Variants in IGFBP7 observed in about 807,000 individuals in gnomAD.
The protein encoded by IGFBP7 is insulin-like growth factor-binding protein 7.
In IGFBP7, 31 loss-of-function variants were observed where a neutral mutation model predicts 29.4. The ratio of observed to expected loss-of-function variants is 1.05; its 90% CI spans 0.79 to 1.42. The LOEUF is 1.42. Among genes scored for constraint, IGFBP7 ranks in the 40% most tolerant of loss-of-function variants. The pLI, the probability that IGFBP7 is intolerant of heterozygous loss-of-function variation, is 0.00. For missense variants in IGFBP7, 393 were observed against 395.5 expected, an observed-to-expected ratio of 0.99 and a Z score of 0.05; for synonymous variants, 172 against 174.9, an observed-to-expected ratio of 0.98 and a Z score of 0.13.
intron 1 of IGFBP7, among the ~76,000 whole-genome samples, chr4:57,082,463 C>G (rs1725391633): frequency 6.6e-6 from 1 of 151,926 alleles, no homozygotes; most frequent in African/African-American, 2.4e-5. Context: ...GAAATATCAC[C>G]CCAGAATCAT....
At chr4:57,050,535 GCA>G in intron 1 of IGFBP7, among the ~76,000 whole-genome samples, 1 of 151,718 alleles carries the variant, frequency 6.6e-6, no homozygotes, top group Admixed American at 6.6e-5. Context: ...ATAAGCCACT[GCA>G]CCTGGCTTTT....
intron 2 of IGFBP7, among the ~76,000 whole-genome samples, chr4:57,039,930 A>G (rs972668653): frequency 2.7e-4 from 15 of 55,162 alleles, no homozygotes; most frequent in African/African-American, 6.6e-4. Context: ...CCAGCCTCAC[A>G]CTTTTTTTTT....
chr4:57,043,903 C>T (rs1724291385), intron 1 of IGFBP7, among the ~76,000 whole-genome samples: 1 of 152,202 alleles, frequency 6.6e-6, no homozygotes, highest in Non-Finnish European at 1.5e-5. Flanking sequence ...GGTTTGGACA[C>T]CACAGAGCCG....
chr4:57,075,616 A>G (rs1725203163), intron 1 of IGFBP7, among the ~76,000 whole-genome samples: 1 of 149,494 alleles, frequency 6.7e-6, no homozygotes, highest in Non-Finnish European at 1.5e-5. Context: ...AAAACCATAA[A>G]AAGCACACTA....
rs1195987734 is a variant in IGFBP7, at chr4:57,072,991, C to G, written c.476-32058G>C. On this transcript the variant is annotated intron_variant, in intron 1 of 4. Transcript: ENST00000295666. Reference sequence around the variant, plus strand: ...TGTATGATGTCAGGACCATCCTGCTCTCCATCCACAGCCTTCGAGGCAAAC... The same window carrying G: ...TGTATGATGTCAGGACCATCCTGCTGTCCATCCACAGCCTTCGAGGCAAAC... 6 of 905,544 alleles carry G rather than the reference C, an allele frequency of 6.6e-6. No individual in the cohort carries two copies. In the African/African-American group the frequency reaches 8.3e-5, roughly 13 times the overall value. The allele number at this position is 905,544 out of a possible 1,614,324, so 56.1% of individuals were successfully genotyped here.
At chr4:57,070,341 T>C (rs1725026062) in intron 1 of IGFBP7, among the ~76,000 whole-genome samples, 1 of 152,194 alleles carries the variant, frequency 6.6e-6, no homozygotes, top group African/African-American at 2.4e-5. Context: ...TGAGGGAGCT[T>C]TTTCTACTTC....
At chr4:57,082,500 A>C (rs1367691762) in intron 1 of IGFBP7, among the ~76,000 whole-genome samples, 1 of 152,184 alleles carries the variant, frequency 6.6e-6, no homozygotes, top group East Asian at 1.9e-4. Context: ...TATAGTTTTA[A>C]ATTTGAATCA....
In IGFBP7 at chr4:57,095,912, T is replaced by C. The variant is rs1256134825; in HGVS notation, c.475+13965A>G. Among the ~76,000 whole-genome samples, 5 of 152,072 alleles carry C rather than the reference T, an allele frequency of 3.3e-5. No individual in the cohort carries two copies. The East Asian group carries it at 9.7e-4, about 29-fold the overall frequency. On this transcript the variant is annotated intron_variant, in intron 1 of 4. Transcript: ENST00000295666. ...AGGTTCCCCTTTCCAACAGGGCACA[T>C]AATAAATCCACTCTTAATTATGCAT...
At chr4:57,081,694 G>A (rs1453305889) in intron 1 of IGFBP7, among the ~76,000 whole-genome samples, 2 of 152,072 alleles carry the variant, frequency 1.3e-5, no homozygotes, top group East Asian at 1.9e-4. Context: ...CAGGGCTTCC[G>A]TTTTGAATAT....
intron 1 of IGFBP7, 58 bp downstream of exon 1, chr4:57,109,819 A>G: frequency 6.7e-7 from 1 of 1,496,938 alleles, no homozygotes. Flanking sequence ...GCCCCGTCGG[A>G]TGTGCCCTTC....
intron 2 of IGFBP7, among the ~76,000 whole-genome samples, chr4:57,038,686 C>T (rs11573119): frequency 0.058 from 8,853 of 152,172 alleles, 343 homozygotes; most frequent in East Asian, 0.16. Context: ...AAACTAAGTT[C>T]CTTTTTTGGT....
At chr4:57,090,542 A>C (rs1338630885) in intron 1 of IGFBP7, among the ~76,000 whole-genome samples, 1 of 152,182 alleles carries the variant, frequency 6.6e-6, no homozygotes, top group Non-Finnish European at 1.5e-5. Flanking sequence ...TATTTTTAGA[A>C]AACATGTGAG....
At chr4:57,062,401 T>C (rs1344546978) in intron 1 of IGFBP7, among the ~76,000 whole-genome samples, 1 of 152,246 alleles carries the variant, frequency 6.6e-6, no homozygotes, top group Non-Finnish European at 1.5e-5. Context: ...CACATATTGC[T>C]GGAATCATAA....
At chr4:57,047,497 C>A (rs1488626012) in intron 1 of IGFBP7, among the ~76,000 whole-genome samples, 1 of 152,002 alleles carries the variant, frequency 6.6e-6, no homozygotes, top group Non-Finnish European at 1.5e-5. Flanking sequence ...ATAGCCAGAT[C>A]CTGAAGGAAG....
chr4:57,039,838 C>T (rs1257307458), intron 2 of IGFBP7, among the ~76,000 whole-genome samples: 2 of 152,022 alleles, frequency 1.3e-5, no homozygotes, highest in Non-Finnish European at 1.5e-5. Flanking sequence ...GTTGGTCAGG[C>T]TGGTCTCAAA....
intron 1 of IGFBP7, among the ~76,000 whole-genome samples, chr4:57,082,074 T>C (rs1394009614): frequency 2.0e-5 from 3 of 152,158 alleles, no homozygotes; most frequent in Non-Finnish European, 4.4e-5. Context: ...GATTAGCAAG[T>C]AGGGGAAGTG....
rs184910187 is a variant in IGFBP7 at position 57,080,581 on chromosome 4, G to A, written c.475+29296C>T. 9.8e-4 allele frequency among the ~76,000 whole-genome samples: 149 copies of A among 152,282 alleles called. 1 individual carries two copies. The highest frequency in any genetic ancestry group is 1.7e-3 in the Non-Finnish European group (116 of 68,030). ...TCTCACTTTTCACCCAGGGTGGAGTGCAGTAGCATGATCATGGCTCACTGC... is the reference window on the plus strand; with the variant it reads ...TCTCACTTTTCACCCAGGGTGGAGTACAGTAGCATGATCATGGCTCACTGC... On this transcript the variant is annotated intron_variant, in intron 1 of 4. Coordinates refer to ENST00000295666, the MANE Select transcript of IGFBP7 (RefSeq NM_001553.3).
chr4:57,050,989 C>A (rs185452531), intron 1 of IGFBP7, among the ~76,000 whole-genome samples: 1 of 152,230 alleles, frequency 6.6e-6, no homozygotes, highest in Non-Finnish European at 1.5e-5. Context: ...GCATTAATAC[C>A]AAATAAGGGG....
At chr4:57,099,567 C>G (rs1316473217) in intron 1 of IGFBP7, among the ~76,000 whole-genome samples, 1 of 152,178 alleles carries the variant, frequency 6.6e-6, no homozygotes, top group Non-Finnish European at 1.5e-5. Flanking sequence ...TTCTTTTCCT[C>G]TAGCCTACTC....
Sources: allele counts gnomAD v4.1 joint callset (sites outside exome capture counted in the v4.1 genomes callset), GRCh38; gene constraint gnomAD v4.1.1; transcripts MANE v1.5; gene names NCBI Gene and HGNC (gene_info 2026-07-23, HGNC 2026-07-21).